Variants in QTMAN observed in about 807,000 individuals in gnomAD.
QTMAN encodes the protein tRNA-queuosine alpha-mannosyltransferase.
the QTMAN span, among the ~76,000 whole-genome samples, chr2:144,004,990 TG>T: frequency 8.6e-5 from 13 of 152,046 alleles, no homozygotes; most frequent in Non-Finnish European, 1.6e-4. Context: ...CAGATGGTTA[TG>T]GGCACACAAT....
At chr2:144,029,904 TAGCGTG>T in the QTMAN span, among the ~76,000 whole-genome samples, 1 of 152,164 alleles carries the variant, frequency 6.6e-6, no homozygotes, top group Non-Finnish European at 1.5e-5. Flanking sequence ...TTATACAGCA[TAGCGTG>T]AGTGTGAGTG....
chr2:144,061,051 T>A, the QTMAN span, among the ~76,000 whole-genome samples: 1 of 152,140 alleles, frequency 6.6e-6, no homozygotes, highest in Non-Finnish European at 1.5e-5. Context: ...CCCAATACAG[T>A]GTCCTTGTTA....
the QTMAN span, chr2:144,006,908 A>T: frequency 3.4e-6 from 1 of 293,376 alleles, no homozygotes; most frequent in East Asian, 6.1e-5. Flanking sequence ...AAACTTTCTG[A>T]ACAAGACTTG....
At chr2:143,970,818 A>G in the QTMAN span, 1 of 983,864 alleles carries the variant, frequency 1.0e-6, no homozygotes, top group Middle Eastern at 2.1e-4. Flanking sequence ...GTGTTAGGAA[A>G]AGTGGTTTCA....
chr2:143,966,627 G>A, the QTMAN span, among the ~76,000 whole-genome samples: 1 of 152,200 alleles, frequency 6.6e-6, no homozygotes, highest in African/African-American at 2.4e-5. Flanking sequence ...GAGGCCTTGG[G>A]AAAGTCACTG....
chr2:144,167,520 T>A, the QTMAN span, among the ~76,000 whole-genome samples: 1 of 152,186 alleles, frequency 6.6e-6, no homozygotes, highest in Admixed American at 6.6e-5. Flanking sequence ...GTGGAGGTAA[T>A]TGAATCACGG....
chr2:143,990,335 T>C, the QTMAN span, among the ~76,000 whole-genome samples: 464 of 152,184 alleles, frequency 3.0e-3, 2 homozygotes, highest in African/African-American at 0.011. Context: ...AGACCACTGA[T>C]AAAGAGAGTG....
At chr2:144,014,970 T>A in the QTMAN span, among the ~76,000 whole-genome samples, 1 of 152,204 alleles carries the variant, frequency 6.6e-6, no homozygotes, top group Non-Finnish European at 1.5e-5. Context: ...TAATTATGCC[T>A]AAATTCCCCA....
chr2:144,182,808 A>AATATATATATATTATATATAAT, the QTMAN span, among the ~76,000 whole-genome samples: 1 of 52,528 alleles, frequency 1.9e-5, no homozygotes, highest in Non-Finnish European at 3.4e-5. Context: ...TTATATATAT[A>AATATATATATATTATATATAAT]ATATATATAT....
At chr2:144,191,381 C>A in the QTMAN span, among the ~76,000 whole-genome samples, 393 of 152,168 alleles carry the variant, frequency 2.6e-3, 1 homozygote, top group African/African-American at 9.0e-3. Flanking sequence ...TTACTATATG[C>A]GGGCAGGGTT....
the QTMAN span, among the ~76,000 whole-genome samples, chr2:144,132,687 C>T: frequency 6.6e-6 from 1 of 151,940 alleles, no homozygotes; most frequent in African/African-American, 2.4e-5. Context: ...TAGTGATAAA[C>T]TTTAGATCTA....
chr2:143,981,642 A>G, the QTMAN span, among the ~76,000 whole-genome samples: 1 of 152,228 alleles, frequency 6.6e-6, no homozygotes, highest in Admixed American at 6.5e-5. Flanking sequence ...TCTTGTTTCT[A>G]GACCCATATG....
the QTMAN span, among the ~76,000 whole-genome samples, chr2:144,040,274 C>T: frequency 3.9e-5 from 6 of 152,110 alleles, no homozygotes; most frequent in Non-Finnish European, 5.9e-5. Flanking sequence ...GCTTAGCATA[C>T]AACAAAACCT....
chr2:143,982,420 C>T, the QTMAN span, among the ~76,000 whole-genome samples: 281 of 151,518 alleles, frequency 1.9e-3, no homozygotes, highest in Non-Finnish European at 3.0e-3. Context: ...TTAGTAGAGA[C>T]GGGGTTTCAC....
chr2:144,226,273 T>TA, the QTMAN span, among the ~76,000 whole-genome samples: 1 of 152,170 alleles, frequency 6.6e-6, no homozygotes, highest in African/African-American at 2.4e-5. Context: ...AAGGGATACT[T>TA]ACAATTTATT....
At chr2:144,164,214 G>A in the QTMAN span, among the ~76,000 whole-genome samples, 1 of 152,006 alleles carries the variant, frequency 6.6e-6, no homozygotes, top group Non-Finnish European at 1.5e-5. Flanking sequence ...GTGAGCCACT[G>A]CACCTGGCCA....
the QTMAN span, among the ~76,000 whole-genome samples, chr2:144,248,212 CTATG>C: frequency 5.9e-5 from 9 of 152,124 alleles, no homozygotes; most frequent in South Asian, 2.1e-4. Context: ...GTTAAAAAGA[CTATG>C]TAGTCATTTT....
At chr2:144,233,829 C>A in the QTMAN span, among the ~76,000 whole-genome samples, 1 of 152,076 alleles carries the variant, frequency 6.6e-6, no homozygotes, top group Non-Finnish European at 1.5e-5. Context: ...AAGTACAATA[C>A]TGTCAACAGT....
the QTMAN span, among the ~76,000 whole-genome samples, chr2:144,091,529 T>C: frequency 6.6e-6 from 1 of 152,322 alleles, no homozygotes; most frequent in East Asian, 1.9e-4. Context: ...AGATTGACCT[T>C]ATCAAGTGCT....
Sources: allele counts gnomAD v4.1 joint callset (sites outside exome capture counted in the v4.1 genomes callset), GRCh38; gene constraint gnomAD v4.1.1; transcripts MANE v1.5; gene names NCBI Gene and HGNC (gene_info 2026-07-23, HGNC 2026-07-21).